Variants in GRAP2 observed in about 807,000 individuals in gnomAD.
GRAP2 encodes the protein GRB2-related adapter protein 2.
Under a neutral mutation model 43.5 loss-of-function variants are expected in GRAP2, and 31 were observed. The ratio of observed to expected loss-of-function variants is 0.71; its 90% CI spans 0.54 to 0.96. GRAP2 has a LOEUF of 0.96. Among genes scored for constraint, GRAP2 ranks in the 40% least tolerant of loss-of-function variants. The pLI, the probability that GRAP2 is intolerant of heterozygous loss-of-function variation, is 0.00. For synonymous variants in GRAP2, 156 were observed against 164.8 expected, an observed-to-expected ratio of 0.95 and a Z score of 0.41; for missense variants, 371 against 424.4, an observed-to-expected ratio of 0.87 and a Z score of 1.11.
intron 1 of GRAP2, among the ~76,000 whole-genome samples, chr22:39,903,764 AC>A (rs755438257): frequency 4.6e-5 from 7 of 152,142 alleles, no homozygotes; most frequent in Non-Finnish European, 8.8e-5. Flanking sequence ...GGTGTGAACC[AC>A]TACACCTGGC....
At chr22:39,927,824 T>G (rs1462601787) in intron 1 of GRAP2, among the ~76,000 whole-genome samples, 1 of 152,246 alleles carries the variant, frequency 6.6e-6, no homozygotes, top group Non-Finnish European at 1.5e-5. Context: ...GGGGACCCTG[T>G]CCTTCTGTCT....
intron 3 of GRAP2, among the ~76,000 whole-genome samples, chr22:39,959,766 C>T (rs1346198131): frequency 2.0e-5 from 3 of 152,226 alleles, no homozygotes; most frequent in Non-Finnish European, 2.9e-5. Context: ...CACTCCCACA[C>T]TGCCCCATTT....
chr22:39,905,206 C>A (rs558010170), intron 1 of GRAP2, among the ~76,000 whole-genome samples: 1 of 152,294 alleles, frequency 6.6e-6, no homozygotes, highest in East Asian at 1.9e-4. Context: ...TATTTCCCAA[C>A]AAACTCTCAC....
At chr22:39,967,286 C>T (rs1367393171) in intron 5 of GRAP2, among the ~76,000 whole-genome samples, 2 of 152,106 alleles carry the variant, frequency 1.3e-5, no homozygotes, top group Non-Finnish European at 2.9e-5. Context: ...CAAAGGCTAG[C>T]CAAGACCTTG....
intron 4 of GRAP2, chr22:39,964,252 A>G (rs1287855946): frequency 3.3e-6 from 2 of 604,178 alleles, no homozygotes; most frequent in Non-Finnish European, 5.8e-6. Context: ...GATAAAATCC[A>G]TTTTCTCTAG....
At chr22:39,914,895 AT>A (rs899681199) in intron 1 of GRAP2, among the ~76,000 whole-genome samples, 2 of 152,140 alleles carry the variant, frequency 1.3e-5, no homozygotes, top group African/African-American at 4.8e-5. Context: ...ATAAAAAAAA[AT>A]ATTCATTTTA....
chr22:39,903,394 A>G (rs2066504528), intron 1 of GRAP2, among the ~76,000 whole-genome samples: 1 of 152,058 alleles, frequency 6.6e-6, no homozygotes, highest in Non-Finnish European at 1.5e-5. Context: ...TCATGCTTAT[A>G]ATCCTAGCAC....
At chr22:39,965,429 A>G (rs895673579) in intron 4 of GRAP2, among the ~76,000 whole-genome samples, 19 of 152,174 alleles carry the variant, frequency 1.2e-4, no homozygotes, top group African/African-American at 4.6e-4. Context: ...AAGCTATTTC[A>G]CCAAAAGCTG....
At chr22:39,913,614 G>A (rs897407697) in intron 1 of GRAP2, among the ~76,000 whole-genome samples, 1 of 152,156 alleles carries the variant, frequency 6.6e-6, no homozygotes, top group Admixed American at 6.5e-5. Context: ...GGGGTCAAGG[G>A]CTCCCAGCTA....
At chr22:39,934,310 A>G (rs181317226) in intron 1 of GRAP2, among the ~76,000 whole-genome samples, 2 of 152,306 alleles carry the variant, frequency 1.3e-5, no homozygotes, top group Non-Finnish European at 2.9e-5. Flanking sequence ...AGGGTGGTCA[A>G]TGACAACCTG....
At chr22:39,909,675 T>C (rs776426899) in intron 1 of GRAP2, among the ~76,000 whole-genome samples, 51 of 152,104 alleles carry the variant, frequency 3.4e-4, no homozygotes, top group Non-Finnish European at 7.2e-4. Flanking sequence ...AACAGTGTAT[T>C]TGGGAAACTA....
At chr22:39,939,334 A>G (rs543938128) in intron 1 of GRAP2, among the ~76,000 whole-genome samples, 3 of 152,250 alleles carry the variant, frequency 2.0e-5, no homozygotes, top group East Asian at 3.9e-4. Context: ...AGGCCGAGGC[A>G]GGCAGATCAC....
chr22:39,936,619 G>GT (rs2066809154), intron 1 of GRAP2, among the ~76,000 whole-genome samples: 1 of 152,118 alleles, frequency 6.6e-6, no homozygotes, highest in African/African-American at 2.4e-5. Context: ...AGAATATATT[G>GT]TGGGGAAAGT....
rs770749531 is a variant in GRAP2 at position 39,901,312 on chromosome 22, A to G, written c.-33A>G. The G allele has an allele frequency of 5.6e-6, 7 of 1,249,270 alleles. No homozygotes were observed. In the South Asian group the frequency reaches 8.7e-5, roughly 16 times the overall value. 77.4% of individuals were successfully genotyped at this position (1,249,270 alleles called of 1,614,324 possible). ...GTGTCAAAGCCAAGACATAAACTCA[A>G]CCCCTTCTCTTCCAAAAGGTATGTC... On this transcript the variant is annotated 5_prime_UTR_variant, in exon 1 of 8. Transcript: ENST00000344138.
intron 1 of GRAP2, among the ~76,000 whole-genome samples, chr22:39,910,944 T>G (rs563738249): frequency 6.6e-6 from 1 of 152,310 alleles, no homozygotes; most frequent in South Asian, 2.1e-4. Flanking sequence ...CTTCATTGTC[T>G]CTTTCCTATC....
Position 39,968,076 on chromosome 22 carries a change from A to T in GRAP2, c.494A>T (p.Gln165Leu), listed in dbSNP as rs989288073. ...GGCAACAGCCTGGACCGGAGGTCCC[A>T]GGGAGGCCCACACCTCAGTGGGGCT... ...HRGNSLDRRS[Q>L]GGPHLSGAVG... The change falls in exon 6 of 8, where the codon CAG (glutamine) becomes CTG (leucine). Residue 165 changes from glutamine to leucine, a missense_variant. Gln to Leu is a moderately radical substitution (Grantham distance 113, BLOSUM62 -2). Coordinates refer to ENST00000344138, the MANE Select transcript of GRAP2 (RefSeq NM_004810.4). 8 of 1,612,730 alleles carry T rather than the reference A, an allele frequency of 5.0e-6. No individual in the cohort carries two copies. Among genetic ancestry groups the T allele is most frequent in the Non-Finnish European group, 6.8e-6 (8 of 1,179,366 alleles).
chr22:39,908,247 G>A (rs2066536354), intron 1 of GRAP2, among the ~76,000 whole-genome samples: 1 of 152,222 alleles, frequency 6.6e-6, no homozygotes, highest in Non-Finnish European at 1.5e-5. Flanking sequence ...ATAAGAGCTG[G>A]CATCCAATTC....
intron 1 of GRAP2, among the ~76,000 whole-genome samples, chr22:39,903,893 G>C (rs1157468097): frequency 6.6e-6 from 1 of 152,112 alleles, no homozygotes; most frequent in Non-Finnish European, 1.5e-5. Context: ...TAGGCACCAA[G>C]TCCTCTTCAA....
At chr22:39,897,502 A>G (rs1298397637), upstream of GRAP2, among the ~76,000 whole-genome samples, 2 of 149,900 alleles carry the variant, frequency 1.3e-5, no homozygotes, top group Non-Finnish European at 3.0e-5. Context: ...GGTCTGGACT[A>G]TGAAAGTAGC....
Sources: allele counts gnomAD v4.1 joint callset (sites outside exome capture counted in the v4.1 genomes callset), GRCh38; gene constraint gnomAD v4.1.1; transcripts MANE v1.5; gene names NCBI Gene and HGNC (gene_info 2026-07-23, HGNC 2026-07-21).